Variants in PCLO observed in about 807,000 individuals in gnomAD.
The protein encoded by PCLO is piccolo presynaptic cytomatrix protein.
In PCLO, 82 loss-of-function variants were observed where a neutral mutation model predicts 427.5. The observed-to-expected ratio is 0.19, with a 90% CI of 0.16 to 0.23. PCLO has a LOEUF of 0.23. PCLO is among the 10% of genes least tolerant of loss of function. PCLO has a pLI of 1.00. For missense variants in PCLO, 6,239 were observed against 6,115.9 expected (o/e 1.02, Z -0.67); for synonymous variants, 2,357 against 2,155.4 (o/e 1.09, Z -2.59).
intron 1 of PCLO, 148 bp downstream of exon 1, chr7:83,162,197 A>T: frequency 1.2e-6 from 1 of 819,382 alleles, no homozygotes; most frequent in Non-Finnish European, 1.9e-6. Flanking sequence ...CACAAGGCTT[A>T]GGATCTCTCT....
chr7:83,026,208 C>A (rs1801919394), intron 3 of PCLO, among the ~76,000 whole-genome samples: 1 of 152,020 alleles, frequency 6.6e-6, no homozygotes, highest in African/African-American at 2.4e-5. Flanking sequence ...TTCAGGAAAC[C>A]CATCTCACGT....
In PCLO at chr7:82,902,758, G is replaced by C; in HGVS notation, c.13438-17C>G. ...CTGTATAATCTAAGACATACATGTA[G>C]TAAGGTAAAAAACCAGCATTAAAGA... On this transcript the variant is annotated splice_polypyrimidine_tract_variant and intron_variant, in intron 8 of 24. Transcript: ENST00000333891. 1 of 1,378,946 alleles carries C rather than the reference G, an allele frequency of 7.3e-7. No homozygotes were observed. Among genetic ancestry groups the C allele is most frequent in the Non-Finnish European group, 1.0e-6 (1 of 969,802 alleles). 85.4% of individuals were successfully genotyped at this position (1,378,946 alleles called of 1,614,324 possible).
rs1185413643 is a variant in PCLO, at chr7:83,155,785, C to G, written c.856G>C (p.Ala286Pro). The G allele has an allele frequency of 6.2e-7, 1 of 1,613,718 alleles. No individual in the cohort carries two copies. Among genetic ancestry groups the G allele is most frequent in the African/African-American group, 1.3e-5 (1 of 74,896 alleles). The change falls in exon 2 of 25, where the codon GCA becomes CCA. Residue 286 changes from alanine (A) to proline (P), a missense_variant. Ala to Pro is a conservative substitution (Grantham distance 27, BLOSUM62 -1). Around this residue, in one of 5 missense-constraint regions of PCLO, gnomAD observed 4,677 missense variants for 4,468.4 expected, o/e 1.05. Transcript: ENST00000333891. Reference protein sequence around the residue: ...RDASRPQTKQADIVRGESVKP... With the variant: ...RDASRPQTKQPDIVRGESVKP... The stretch of plus-strand genomic sequence containing the variant: ...ACTGATTCTCCCCTTACTATGTCTG[C>G]CTGTTTAGTCTGAGGCCTGGATGCA...
At chr7:82,957,794 A>G (rs1171334364) in intron 4 of PCLO, among the ~76,000 whole-genome samples, 1 of 152,184 alleles carries the variant, frequency 6.6e-6, no homozygotes, top group Non-Finnish European at 1.5e-5. Flanking sequence ...TTATCTTGAA[A>G]AGCAGCTTCC....
intron 6 of PCLO, among the ~76,000 whole-genome samples, chr7:82,924,432 C>T (rs116022335): frequency 6.6e-6 from 1 of 151,990 alleles, no homozygotes; most frequent in Non-Finnish European, 1.5e-5. Flanking sequence ...TATTAGAACA[C>T]AGGAAGAAAA....
At chr7:82,868,231 G>C (rs1003638692) in intron 10 of PCLO, 1 of 456,564 alleles carries the variant, frequency 2.2e-6, no homozygotes, top group Non-Finnish European at 4.4e-6. Context: ...AGCAGAAATA[G>C]AGACTTTCTT....
In PCLO at chr7:82,906,769, G is replaced by C. The variant is rs576540116; in HGVS notation, c.13437+2108C>G. 1.6e-3 allele frequency among the ~76,000 whole-genome samples: 242 copies of C among 151,958 alleles called. 2 individuals are homozygous for C. Among genetic ancestry groups the C allele is most frequent in the African/African-American group, 5.4e-3 (226 of 41,500 alleles). ...AATCAGCTTATAACTTTGCATAGTT[G>C]CAGTTTCAATATTACATATATAGTT... On this transcript the variant is annotated intron_variant, in intron 8 of 24. Transcript: ENST00000333891.
intron 22 of PCLO, among the ~76,000 whole-genome samples, chr7:82,772,918 C>T (rs1790676064): frequency 1.3e-5 from 2 of 152,032 alleles, no homozygotes; most frequent in African/African-American, 2.4e-5. Context: ...TGTAAATGGA[C>T]ATTACATTTA....
chr7:82,812,336 A>G (rs988733686), intron 20 of PCLO, among the ~76,000 whole-genome samples: 1 of 151,602 alleles, frequency 6.6e-6, no homozygotes, highest in African/African-American at 2.4e-5. Context: ...CACGGTATAG[A>G]GGAATTTTTT....
At chr7:82,840,931 TA>T (rs1792350755) in intron 14 of PCLO, among the ~76,000 whole-genome samples, 1 of 151,750 alleles carries the variant, frequency 6.6e-6, no homozygotes, top group African/African-American at 2.4e-5. Context: ...AGAGAGAATT[TA>T]AAAAGATGAT....
At chr7:83,142,669 G>A (rs957499276) in intron 2 of PCLO, among the ~76,000 whole-genome samples, 2 of 152,076 alleles carry the variant, frequency 1.3e-5, no homozygotes, top group Admixed American at 1.3e-4. Context: ...TTTAAAAAGT[G>A]CAAACATGGC....
chr7:83,042,852 T>A (rs1789005911), intron 3 of PCLO, among the ~76,000 whole-genome samples: 1 of 152,052 alleles, frequency 6.6e-6, no homozygotes, highest in African/African-American at 2.4e-5. Context: ...AGAGTGAGAC[T>A]CTGTCTCAAA....
intron 3 of PCLO, among the ~76,000 whole-genome samples, chr7:83,010,605 ATATT>A: frequency 6.6e-6 from 1 of 150,560 alleles, no homozygotes; most frequent in South Asian, 2.1e-4. Context: ...AATATAATAT[ATATT>A]TCATATTCCT....
At chr7:83,050,508 G>A (rs56804715) in intron 3 of PCLO, among the ~76,000 whole-genome samples, 2 of 151,402 alleles carry the variant, frequency 1.3e-5, no homozygotes, top group Admixed American at 6.6e-5. Flanking sequence ...ACATCTATAA[G>A]AAAATGATTA....
At chr7:83,129,884 C>T (rs1186527578) in intron 3 of PCLO, among the ~76,000 whole-genome samples, 2 of 151,980 alleles carry the variant, frequency 1.3e-5, no homozygotes, top group Admixed American at 6.6e-5. Flanking sequence ...TTACTTTTGG[C>T]TTAAATTTAT....
chr7:82,783,380 C>T (rs1448302562), intron 22 of PCLO, among the ~76,000 whole-genome samples: 2 of 151,828 alleles, frequency 1.3e-5, no homozygotes, highest in Non-Finnish European at 1.5e-5. Context: ...TTTGGGAGGC[C>T]GAGGCGAGCG....
chr7:82,822,640 T>C lies in PCLO; in HGVS notation c.14646A>G (p.Ser4882=). The change falls in exon 20 of 25, where the codon TCA becomes TCG. Residue 4882 remains serine (S), a synonymous_variant. Coordinates refer to ENST00000333891, the MANE Select transcript of PCLO (RefSeq NM_033026.6). ...GGAGATGGCCTTCTGATGATGATTT[T>C]GAGCTACCAGGACTACTATGGGATT... The part of the protein sequence containing the change: ...IEKSHSSPGS[S]KSSSEGHLRS... 1 of 1,613,752 alleles carries C rather than the reference T, an allele frequency of 6.2e-7. No homozygotes were observed. Among genetic ancestry groups the C allele is most frequent in the Non-Finnish European group, 8.5e-7 (1 of 1,179,738 alleles).
chr7:82,875,139 T>C (rs1029132525), intron 10 of PCLO, among the ~76,000 whole-genome samples: 2 of 152,154 alleles, frequency 1.3e-5, no homozygotes, highest in African/African-American at 4.8e-5. Context: ...GGAAAATAAA[T>C]GTTAAGATTT....
rs771771171 is a variant in PCLO, at chr7:82,953,784, G to C, written c.7169C>G (p.Pro2390Arg). 6.3e-7 allele frequency: 1 copy of C among 1,587,952 alleles called. No homozygotes were observed. Among genetic ancestry groups the C allele is most frequent in the East Asian group, 2.3e-5 (1 of 43,782 alleles). ...SPSVSSLPAK[P>R]RPFFRSSSLD... ...AGAAGAACTTCTAAAGAATGGGCGA[G>C]GTTTAGCTGGAAGAGAGGAAACAGA... Residue 2390 changes from proline to arginine, a missense_variant, in exon 5 of 25, where the codon CCT becomes CGT. Around this residue, in one of 5 missense-constraint regions of PCLO, gnomAD observed 4,677 missense variants for 4,468.4 expected, o/e 1.05. Transcript: ENST00000333891.
Sources: gnomAD v4.1 joint callset for allele counts (sites outside exome capture counted in the v4.1 genomes callset) on GRCh38, gnomAD v4.1.1 for gene constraint, gnomAD v4.1.1 regional missense constraint, MANE v1.5 for transcripts, NCBI Gene and HGNC (gene_info 2026-07-23, HGNC 2026-07-21) for gene names.